The following PUS7L variants were observed in gnomAD, a reference collection of about 807,000 sequenced individuals.
PUS7L encodes the protein pseudouridine synthase 7 like.
A neutral mutation model predicts 51.1 loss-of-function variants in PUS7L; 49 were observed. The ratio of observed to expected loss-of-function variants is 0.96; its 90% CI spans 0.76 to 1.22. The LOEUF is 1.22. Ranked by LOEUF, PUS7L falls within the 50% of genes most tolerant of loss-of-function variation. The pLI, the probability that PUS7L is intolerant of heterozygous loss-of-function variation, is 0.00. For missense variants in PUS7L, 828 were observed against 820.6 expected, an observed-to-expected ratio of 1.01 and a Z score of -0.11; for synonymous variants, 277 against 276.2, an observed-to-expected ratio of 1.00 and a Z score of -0.03.
chr12:43,758,063 G>A (rs530711640), intron 1 of PUS7L, among the ~76,000 whole-genome samples: 5 of 152,218 alleles, frequency 3.3e-5, no homozygotes, highest in Non-Finnish European at 7.3e-5. Context: ...AGATGATTCT[G>A]ATGGAAATGA....
intron 2 of PUS7L, among the ~76,000 whole-genome samples, chr12:43,752,363 T>C (rs2137752889): frequency 6.6e-6 from 1 of 152,340 alleles, no homozygotes; most frequent in African/African-American, 2.4e-5. Context: ...AGAAGTGTAA[T>C]ACTTTTATGA....
At chr12:43,741,162 T>A (rs1343990783) in intron 5 of PUS7L, 2 of 152,156 alleles carry the variant, frequency 1.3e-5, no homozygotes, top group Non-Finnish European at 1.5e-5. Context: ...TAATATGAGG[T>A]TTGAAAGAGG....
chr12:43,755,689 T>C (rs1938666221), intron 1 of PUS7L, among the ~76,000 whole-genome samples: 1 of 152,208 alleles, frequency 6.6e-6, no homozygotes. Context: ...CTAAGTTTTC[T>C]TATATTATTA....
intron 1 of PUS7L, among the ~76,000 whole-genome samples, chr12:43,757,168 C>A (rs576549863): frequency 1.3e-5 from 2 of 152,112 alleles, no homozygotes; most frequent in East Asian, 3.9e-4. Context: ...CAGGAACCTG[C>A]AAGTGATTCT....
intron 2 of PUS7L, among the ~76,000 whole-genome samples, chr12:43,753,386 A>G (rs1482729265): frequency 6.6e-6 from 1 of 152,204 alleles, no homozygotes; most frequent in African/African-American, 2.4e-5. Flanking sequence ...TAAAAATTTC[A>G]TAAGTCTTTT....
chr12:43,752,841 G>A (rs1223736907), intron 2 of PUS7L, among the ~76,000 whole-genome samples: 1 of 152,078 alleles, frequency 6.6e-6, no homozygotes, highest in Admixed American at 6.6e-5. Context: ...TGTCCTCAAT[G>A]CCACTGATAC....
At position 43,754,798 on chromosome 12, in the gene PUS7L, A is replaced by G. The variant is rs1938615814; in HGVS notation, c.448T>C (p.Ser150Pro). The G allele has an allele frequency of 1.2e-6, 2 of 1,613,834 alleles. No individual in the cohort carries two copies. ...FACDVREKWL[S>P]KTELIGLPPE... is the part of the protein sequence containing the mutation. ...GGTAGTCCAATTAGCTCTGTTTTAG[A>G]AAGCCACTTCTCTCTTACATCACAG... is the stretch of plus-strand genomic sequence containing the variant. The change falls in exon 2 of 9, where the codon TCT (serine) becomes CCT (proline). Residue 150 changes from serine to proline, a missense_variant. By Grantham distance (74) the Ser-to-Pro change is moderately conservative. Coordinates refer to ENST00000344862, the MANE Select transcript of PUS7L (RefSeq NM_031292.5).
intron 2 of PUS7L, among the ~76,000 whole-genome samples, 168 bp from the exon 3 acceptor site, chr12:43,748,777 G>A (rs1429341844): frequency 6.6e-6 from 1 of 152,148 alleles, no homozygotes; most frequent in Non-Finnish European, 1.5e-5. Flanking sequence ...AGGCTGCAGT[G>A]CAGTGGCGCA....
chr12:43,753,998 A>T (rs1938574169), intron 2 of PUS7L, among the ~76,000 whole-genome samples: 1 of 152,160 alleles, frequency 6.6e-6, no homozygotes, highest in Admixed American at 6.5e-5. Flanking sequence ...TGACTTCCAA[A>T]ATATGAAATC....
At chr12:43,758,282 T>C in intron 1 of PUS7L, 2 of 983,418 alleles carry the variant, frequency 2.0e-6, no homozygotes, top group African/African-American at 3.5e-5. Context: ...AGAGTGGAAC[T>C]GACCTGGAGG....
chr12:43,735,608 T>C (rs1944667184), intron 7 of PUS7L, among the ~76,000 whole-genome samples: 2 of 151,954 alleles, frequency 1.3e-5, no homozygotes, highest in African/African-American at 4.8e-5. Context: ...CTACCTTTTC[T>C]TTTCTCGGTG....
chr12:43,754,600 A>G lies in PUS7L; in HGVS notation c.646T>C (p.Phe216Leu). ...LCHLVSEEEA[F>L]DFFKYLDAKK... Reference sequence around the variant, plus strand: ...GCATCCAAATATTTAAAAAAGTCAAATGCTTCCTCTTCAGATACCAAATGA... The same window carrying G: ...GCATCCAAATATTTAAAAAAGTCAAGTGCTTCCTCTTCAGATACCAAATGA... Residue 216 changes from phenylalanine to leucine, a missense_variant, in exon 2 of 9, where the codon TTT becomes CTT. Phe to Leu is a conservative substitution (Grantham distance 22). Transcript: ENST00000344862. 6.2e-7 allele frequency: 1 copy of G among 1,611,478 alleles called. No individual in the cohort carries two copies. The highest frequency in any genetic ancestry group is 1.1e-5 in the South Asian group (1 of 90,588).
chr12:43,735,116 C>A (rs1266704835), intron 7 of PUS7L, among the ~76,000 whole-genome samples: 2 of 151,784 alleles, frequency 1.3e-5, no homozygotes, highest in Non-Finnish European at 2.9e-5. Context: ...GAGATCGAGA[C>A]CATCCTGGCT....
chr12:43,742,554 T>C lies in PUS7L; in HGVS notation c.1265A>G (p.Lys422Arg), dbSNP rs1325771311. The part of the protein sequence containing the change: ...RIMEAIENVK[K>R]KGFVNYYGPQ... Reference sequence around the variant, plus strand: ...TCCATAGTAATTCACAAAGCCTTTTTTCTATGTATACAAAATAATCAACAA... The same window carrying C: ...TCCATAGTAATTCACAAAGCCTTTTCTCTATGTATACAAAATAATCAACAA... The change falls in exon 5 of 9, where the codon AAA becomes AGA. Residue 422 changes from lysine (K) to arginine (R), a missense_variant and splice_region_variant. Lys to Arg is a conservative substitution (Grantham distance 26, BLOSUM62 2). Transcript: ENST00000344862. The C allele has an allele frequency of 1.3e-6, 2 of 1,595,724 alleles. No homozygotes were observed. Among genetic ancestry groups the C allele is most frequent in the Non-Finnish European group, 1.7e-6 (2 of 1,172,976 alleles).
chr12:43,719,250 C>A lies in PUS7L; in HGVS notation c.*11126G>T, dbSNP rs758693592. The A allele has an allele frequency of 2.0e-5, 3 of 151,970 alleles. No homozygotes were observed. The highest frequency in any genetic ancestry group is 1.5e-5 in the Non-Finnish European group (1 of 67,976). 9.4% of individuals were successfully genotyped at this position (151,970 alleles called of 1,614,324 possible). On this transcript the variant is annotated 3_prime_UTR_variant, in exon 9 of 9. Coordinates refer to ENST00000344862, the MANE Select transcript of PUS7L (RefSeq NM_031292.5). ...AGTATTGAGTAAAACAAGGAAGACACAAACACAGATATGTACAATTCCATT... is the reference window on the plus strand; with the variant it reads ...AGTATTGAGTAAAACAAGGAAGACAAAAACACAGATATGTACAATTCCATT...
chr12:43,730,147 A>G lies in PUS7L; in HGVS notation c.*229T>C. ...CAGAATAAAGGTCACTGAAACATAT[A>G]ATAGAAAAAAAACACAGGCTTTGGG... On this transcript the variant is annotated 3_prime_UTR_variant, in exon 9 of 9. Coordinates refer to ENST00000344862, the MANE Select transcript of PUS7L (RefSeq NM_031292.5). 2.0e-6 allele frequency: 1 copy of G among 499,212 alleles called. No individual in the cohort carries two copies. Among genetic ancestry groups the G allele is most frequent in the Non-Finnish European group, 3.6e-6 (1 of 280,346 alleles). 30.9% of individuals were successfully genotyped at this position (499,212 alleles called of 1,614,324 possible). A position where few individuals can be genotyped will look rare whatever the true frequency, so the allele number is the denominator to read the frequency against.
At chr12:43,747,625 T>C (rs188982044) in intron 3 of PUS7L, among the ~76,000 whole-genome samples, 4 of 151,272 alleles carry the variant, frequency 2.6e-5, no homozygotes, top group Admixed American at 6.6e-5. Context: ...ACTTGGGAGG[T>C]AGAGATTGCA....
In PUS7L at chr12:43,723,704, G is replaced by A. The variant is rs191970499; in HGVS notation, c.*6672C>T. On this transcript the variant is annotated 3_prime_UTR_variant, in exon 9 of 9. Coordinates refer to ENST00000344862, the MANE Select transcript of PUS7L (RefSeq NM_031292.5). The stretch of plus-strand genomic sequence containing the variant: ...TATTCAAATATTTGTTGGTTATTAT[G>A]CCATATATTTGACATTATTTTGTGG... The A allele has an allele frequency of 5.9e-5, 9 of 152,110 alleles. No homozygotes were observed. The East Asian group carries it at 1.3e-3, about 23-fold the overall frequency. 9.4% of individuals were successfully genotyped at this position (152,110 alleles called of 1,614,324 possible).
intron 7 of PUS7L, 104 bp downstream of exon 7, chr12:43,736,277 A>C: frequency 2.1e-6 from 2 of 958,476 alleles, no homozygotes; most frequent in Non-Finnish European, 3.1e-6. Context: ...ATAGATAAAT[A>C]AATTACATGT....
Sources: gnomAD v4.1 joint callset for allele counts (sites outside exome capture counted in the v4.1 genomes callset) on GRCh38, gnomAD v4.1.1 for gene constraint, MANE v1.5 for transcripts, NCBI Gene and HGNC (gene_info 2026-07-23, HGNC 2026-07-21) for gene names.